GRIN2A: variants seen among roughly 807,000 people sequenced by gnomAD.
The protein encoded by GRIN2A is glutamate receptor ionotropic, NMDA 2A.
GRIN2A carries 22 observed loss-of-function variants against 113.4 expected under a neutral mutation model. The ratio of observed to expected loss-of-function variants is 0.19; its 90% CI spans 0.14 to 0.28. The LOEUF is 0.28. Among genes scored for constraint, GRIN2A ranks in the 10% least tolerant of loss-of-function variants. The probability of loss-of-function intolerance (pLI) is 1.00; values close to 1 mark genes in which losing one functional copy is unlikely to be tolerated. For synonymous variants in GRIN2A, 827 were observed against 738.4 expected, an observed-to-expected ratio of 1.12 and a Z score of -1.94; for missense variants, 1,502 against 1,887.0, an observed-to-expected ratio of 0.80 and a Z score of 3.78.
intron 2 of GRIN2A, chr16:10,121,670 T>G (rs2048836129): frequency 6.6e-6 from 1 of 152,222 alleles, no homozygotes; most frequent in South Asian, 2.1e-4. Flanking sequence ...CAGGCCATTC[T>G]GCCTGAGTTG....
chr16:10,125,184 A>G (rs1268795912), intron 2 of GRIN2A, among the ~76,000 whole-genome samples: 1 of 152,220 alleles, frequency 6.6e-6, no homozygotes, highest in East Asian at 1.9e-4. Flanking sequence ...AAGTCCCACA[A>G]TGTCCTGAAA....
At chr16:10,021,706 A>C (rs1249918944) in intron 2 of GRIN2A, among the ~76,000 whole-genome samples, 2 of 152,056 alleles carry the variant, frequency 1.3e-5, no homozygotes, top group Non-Finnish European at 2.9e-5. Flanking sequence ...AAGCATATGC[A>C]AATGCCCCAA....
chr16:9,801,613 A>G (rs1420219684), intron 10 of GRIN2A, among the ~76,000 whole-genome samples: 9 of 152,260 alleles, frequency 5.9e-5, no homozygotes, highest in Non-Finnish European at 1.3e-4. Flanking sequence ...AGCAACAGAC[A>G]GACATATGAG....
intron 4 of GRIN2A, among the ~76,000 whole-genome samples, chr16:9,883,372 C>T (rs1352706906): frequency 6.6e-6 from 1 of 152,178 alleles, no homozygotes; most frequent in Non-Finnish European, 1.5e-5. Context: ...CTTGGGGATT[C>T]TAGTCTAAGC....
intron 2 of GRIN2A, among the ~76,000 whole-genome samples, chr16:10,124,113 G>T (rs76790181): frequency 6.6e-6 from 1 of 152,086 alleles, no homozygotes; most frequent in East Asian, 1.9e-4. Flanking sequence ...CATCAGCTTA[G>T]GTTGTTAAAA....
intron 2 of GRIN2A, among the ~76,000 whole-genome samples, chr16:10,123,526 G>A (rs1425240335): frequency 6.6e-6 from 1 of 152,152 alleles, no homozygotes; most frequent in Non-Finnish European, 1.5e-5. Context: ...TCCAGCTTTT[G>A]ACTTCAGGAA....
At chr16:10,096,447 G>A (rs1458396530) in intron 2 of GRIN2A, among the ~76,000 whole-genome samples, 1 of 151,862 alleles carries the variant, frequency 6.6e-6, no homozygotes, top group Admixed American at 6.6e-5. Flanking sequence ...CGGGGTTTCT[G>A]ATGTTCACTA....
intron 3 of GRIN2A, among the ~76,000 whole-genome samples, chr16:9,925,955 T>C (rs1017721791): frequency 6.6e-6 from 1 of 152,204 alleles, no homozygotes; most frequent in Non-Finnish European, 1.5e-5. Context: ...AAATGACACA[T>C]TGGAAATTTT....
At chr16:9,900,594 G>A (rs2043902588) in intron 3 of GRIN2A, among the ~76,000 whole-genome samples, 1 of 152,132 alleles carries the variant, frequency 6.6e-6, no homozygotes, top group Non-Finnish European at 1.5e-5. Flanking sequence ...TAGAAGCAGG[G>A]TGTATAGAGT....
intron 2 of GRIN2A, among the ~76,000 whole-genome samples, chr16:10,092,103 T>G (rs1471400817): frequency 2.0e-5 from 3 of 152,218 alleles, no homozygotes; most frequent in Non-Finnish European, 4.4e-5. Flanking sequence ...TTGATATACC[T>G]CCAGTCTAGT....
Position 10,031,894 on chromosome 16 carries a change from C to T in GRIN2A, c.415-93343G>A, listed in dbSNP as rs563627218. 1.3e-4 allele frequency among the ~76,000 whole-genome samples: 20 copies of T among 152,338 alleles called. No individual in the cohort carries two copies. The South Asian group carries it at 1.7e-3, about 13-fold the overall frequency. On this transcript the variant is annotated intron_variant, in intron 2 of 12. Transcript: ENST00000330684. Reference sequence around the variant, plus strand: ...GACCAGACATTTGCTATGATCCCTCCGGCCACAGGGCCTATGCCCAGTCTC... The same window carrying T: ...GACCAGACATTTGCTATGATCCCTCTGGCCACAGGGCCTATGCCCAGTCTC...
At chr16:9,822,823 C>G (rs2042314482) in intron 9 of GRIN2A, among the ~76,000 whole-genome samples, 1 of 152,164 alleles carries the variant, frequency 6.6e-6, no homozygotes, top group Non-Finnish European at 1.5e-5. Flanking sequence ...TTAGTCCAGT[C>G]CATTTATCCA....
intron 2 of GRIN2A, among the ~76,000 whole-genome samples, chr16:10,026,491 TAG>T (rs140476842): frequency 0.048 from 6,977 of 145,316 alleles, 281 homozygotes; most frequent in African/African-American, 0.11. Flanking sequence ...TCCAGGCCAT[TAG>T]AGAGAGAAAA....
intron 2 of GRIN2A, among the ~76,000 whole-genome samples, chr16:10,121,872 T>C (rs1483949857): frequency 6.6e-6 from 1 of 152,160 alleles, no homozygotes; most frequent in Non-Finnish European, 1.5e-5. Flanking sequence ...TATGAAAGAT[T>C]TCAAATAATG....
intron 2 of GRIN2A, among the ~76,000 whole-genome samples, chr16:10,172,864 A>C (rs2050070022): frequency 6.6e-6 from 1 of 152,264 alleles, no homozygotes. Flanking sequence ...GTGATGACTT[A>C]TCAGAGGCTA....
At chr16:10,050,430 C>G (rs185917627) in intron 2 of GRIN2A, among the ~76,000 whole-genome samples, 1 of 152,040 alleles carries the variant, frequency 6.6e-6, no homozygotes, top group Non-Finnish European at 1.5e-5. Context: ...TGAGCTCCAC[C>G]TCCTGTCAGA....
intron 5 of GRIN2A, among the ~76,000 whole-genome samples, chr16:9,842,597 T>C (rs1021360457): frequency 6.6e-6 from 1 of 152,198 alleles, no homozygotes; most frequent in Non-Finnish European, 1.5e-5. Flanking sequence ...CACAGCTATA[T>C]AAAAACAGAT....
intron 3 of GRIN2A, among the ~76,000 whole-genome samples, chr16:9,911,690 G>A (rs981157048): frequency 4.6e-5 from 7 of 152,106 alleles, no homozygotes; most frequent in African/African-American, 1.7e-4. Context: ...CTCTACAAAG[G>A]TCTGTCTCCT....
intron 12 of GRIN2A, among the ~76,000 whole-genome samples, chr16:9,765,687 A>T (rs980332050): frequency 3.3e-5 from 5 of 151,958 alleles, no homozygotes; most frequent in Admixed American, 6.6e-5. Flanking sequence ...CATGGTTTAA[A>T]CCCCTGGAGC....
Sources: allele counts gnomAD v4.1 joint callset (sites outside exome capture counted in the v4.1 genomes callset), GRCh38; gene constraint gnomAD v4.1.1; transcripts MANE v1.5; gene names NCBI Gene and HGNC (gene_info 2026-07-23, HGNC 2026-07-21).